The following NRG1 variants were observed in gnomAD, a reference collection of about 807,000 sequenced individuals.
NRG1 encodes the protein neuregulin 1.
A neutral mutation model predicts 63.8 loss-of-function variants in NRG1; 18 were observed. That is an observed-to-expected ratio of 0.28 (90% CI 0.19 to 0.42). NRG1 has a LOEUF of 0.42. Among genes scored for constraint, NRG1 ranks in the 10% least tolerant of loss-of-function variants. The probability of loss-of-function intolerance (pLI) is 1.00; values close to 1 mark genes in which losing one functional copy is unlikely to be tolerated. For missense variants in NRG1, 762 were observed against 814.7 expected (o/e 0.94, Z 0.79); for synonymous variants, 302 against 301.3 (o/e 1.00, Z -0.02).
intron 1 of NRG1, among the ~76,000 whole-genome samples, chr8:32,201,015 C>A (rs186137048): frequency 1.3e-5 from 2 of 152,234 alleles, no homozygotes; most frequent in Non-Finnish European, 2.9e-5. Context: ...TCTGGGGAAA[C>A]GGCTTTCTTT....
At chr8:31,882,098 T>C (rs1398694808) in intron 1 of NRG1, among the ~76,000 whole-genome samples, 4 of 152,084 alleles carry the variant, frequency 2.6e-5, no homozygotes, top group Non-Finnish European at 5.9e-5. Flanking sequence ...AGGAAATGAC[T>C]GACTTCAAGG....
At chr8:32,228,805 A>T (rs557424180) in intron 1 of NRG1, among the ~76,000 whole-genome samples, 1 of 152,314 alleles carries the variant, frequency 6.6e-6, no homozygotes, top group East Asian at 1.9e-4. Context: ...ATCTTAGTAT[A>T]TGAGGTATTT....
rs115734902 is a variant in NRG1, at chr8:31,959,255, A to G, written c.37+319824A>G. 7.5e-3 allele frequency among the ~76,000 whole-genome samples: 1,146 copies of G among 152,330 alleles called. 16 individuals carry two copies. Among genetic ancestry groups the G allele is most frequent in the African/African-American group, 0.026 (1,099 of 41,580 alleles). On this transcript the variant is annotated intron_variant, in intron 1 of 10. Transcript: ENST00000519301. ...ATTGGACTTGATTGCTTACATTAAA[A>G]TTATCTATTCTTGTCTCTATTTTGT...
chr8:32,353,435 T>C (rs1805908059), intron 1 of NRG1, among the ~76,000 whole-genome samples: 1 of 151,972 alleles, frequency 6.6e-6, no homozygotes, highest in South Asian at 2.1e-4. Flanking sequence ...ATTTTGTAAC[T>C]AATGAAACAT....
intron 1 of NRG1, among the ~76,000 whole-genome samples, chr8:31,786,781 T>G (rs547273545): frequency 1.3e-3 from 199 of 152,266 alleles, no homozygotes; most frequent in African/African-American, 4.6e-3. Flanking sequence ...GGGACAGAGC[T>G]TCTATGCCCT....
chr8:32,113,733 T>C (rs893942407), intron 1 of NRG1, among the ~76,000 whole-genome samples: 1 of 152,176 alleles, frequency 6.6e-6, no homozygotes, highest in Non-Finnish European at 1.5e-5. Context: ...GTTTGATGGG[T>C]CAAGACCGGT....
At chr8:32,029,078 GT>G (rs1817888659) in intron 1 of NRG1, among the ~76,000 whole-genome samples, 1 of 152,148 alleles carries the variant, frequency 6.6e-6, no homozygotes, top group Non-Finnish European at 1.5e-5. Context: ...CTTTAGGAAA[GT>G]GTCTTCTAAG....
chr8:31,783,612 A>C (rs10099903), intron 1 of NRG1, among the ~76,000 whole-genome samples: 2,879 of 151,874 alleles, frequency 0.019, 97 homozygotes, highest in African/African-American at 0.063. Flanking sequence ...GCAAAAAAAA[A>C]AAAAAACAAA....
intron 1 of NRG1, among the ~76,000 whole-genome samples, chr8:31,712,255 CTTTTTTTTT>C (rs57363109): frequency 1.1e-4 from 8 of 72,350 alleles, no homozygotes; most frequent in African/African-American, 2.9e-4. Context: ...TCTTCATGAT[CTTTTTTTTT>C]TTTTTTTTTT....
intron 1 of NRG1, among the ~76,000 whole-genome samples, chr8:32,409,650 C>T (rs892859284): frequency 6.6e-6 from 1 of 152,214 alleles, no homozygotes. Context: ...AGAGCAGGTA[C>T]AGTTAATGGA....
chr8:32,130,516 C>T (rs926248773), intron 1 of NRG1, among the ~76,000 whole-genome samples: 2 of 151,764 alleles, frequency 1.3e-5, no homozygotes, highest in Admixed American at 6.6e-5. Flanking sequence ...CCAGGCATTA[C>T]CCAAAAAGTC....
intron 1 of NRG1, among the ~76,000 whole-genome samples, chr8:32,199,413 A>G (rs994749208): frequency 6.6e-6 from 1 of 152,232 alleles, no homozygotes; most frequent in Admixed American, 6.5e-5. Context: ...TCATCCTGAG[A>G]CTTCATCTTA....
At chr8:32,411,542 A>T (rs1467206660) in intron 1 of NRG1, among the ~76,000 whole-genome samples, 4 of 152,316 alleles carry the variant, frequency 2.6e-5, no homozygotes, top group African/African-American at 9.6e-5. Flanking sequence ...AATATTCTTT[A>T]TCAGTCATCA....
intron 1 of NRG1, among the ~76,000 whole-genome samples, chr8:32,481,602 C>T (rs963612144): frequency 1.3e-5 from 2 of 152,196 alleles, no homozygotes; most frequent in Non-Finnish European, 2.9e-5. Context: ...AGTTCAAATC[C>T]CAGCTTTACA....
intron 1 of NRG1, among the ~76,000 whole-genome samples, chr8:32,321,618 A>G (rs559121861): frequency 6.6e-6 from 1 of 151,718 alleles, no homozygotes; most frequent in Non-Finnish European, 1.5e-5. Context: ...TTCATTTTAA[A>G]TGAAACCAAT....
At chr8:32,042,981 T>TGTGTGTGTGTGTGTGTGTGTGTGTGC (rs1820330306) in intron 1 of NRG1, among the ~76,000 whole-genome samples, 2 of 151,826 alleles carry the variant, frequency 1.3e-5, no homozygotes, top group East Asian at 3.9e-4. Context: ...TGTGTGTGTG[T>TGTGTGTGTGTGTGTGTGTGTGTGTGC]GTGTGTGTAT....
chr8:31,731,043 G>C (rs935806623), intron 1 of NRG1, among the ~76,000 whole-genome samples: 1 of 152,044 alleles, frequency 6.6e-6, no homozygotes, highest in African/African-American at 2.4e-5. Flanking sequence ...TTTTCACAAA[G>C]CTTCAGTGGA....
At chr8:32,244,604 G>T (rs1366103666) in intron 1 of NRG1, among the ~76,000 whole-genome samples, 1 of 152,140 alleles carries the variant, frequency 6.6e-6, no homozygotes, top group East Asian at 1.9e-4. Flanking sequence ...TTTTCTAGAA[G>T]CATAGGGATT....
intron 1 of NRG1, among the ~76,000 whole-genome samples, chr8:32,035,241 T>A (rs748884538): frequency 7.2e-5 from 11 of 152,200 alleles, no homozygotes; most frequent in Non-Finnish European, 1.3e-4. Context: ...TCAATTTCGA[T>A]GTAGTTGTGT....
Sources: gnomAD v4.1 joint callset for allele counts (sites outside exome capture counted in the v4.1 genomes callset) on GRCh38, gnomAD v4.1.1 for gene constraint, MANE v1.5 for transcripts, NCBI Gene and HGNC (gene_info 2026-07-23, HGNC 2026-07-21) for gene names.